SHOC2: variants seen among roughly 807,000 people sequenced by gnomAD.
SHOC2 encodes the protein leucine-rich repeat protein SHOC-2.
SHOC2 carries 4 observed loss-of-function variants against 50.2 expected under a neutral mutation model. The ratio of observed to expected loss-of-function variants is 0.08; its 90% CI spans 0.04 to 0.18. The LOEUF (loss-of-function observed/expected upper bound fraction) is 0.18, where lower values mean the gene tolerates loss of function less well. Ranked by LOEUF, SHOC2 falls within the 10% of genes least tolerant of loss-of-function variation. SHOC2 has a pLI of 1.00. For synonymous variants in SHOC2, 218 were observed against 244.5 expected, an observed-to-expected ratio of 0.89 and a Z score of 1.01; for missense variants, 388 against 669.6, an observed-to-expected ratio of 0.58 and a Z score of 4.64.
intron 1 of SHOC2, among the ~76,000 whole-genome samples, chr10:110,943,905 A>G (rs1276312979): frequency 1.3e-5 from 2 of 152,210 alleles, no homozygotes; most frequent in African/African-American, 4.8e-5. Context: ...TTGGCAACCC[A>G]GAATCTTTCA....
At chr10:110,951,506 A>G (rs1213200186) in intron 1 of SHOC2, 1 of 152,234 alleles carries the variant, frequency 6.6e-6, no homozygotes, top group Non-Finnish European at 1.5e-5. Flanking sequence ...GAGAACTACC[A>G]TATATGATCC....
At chr10:110,985,593 A>C in intron 2 of SHOC2, 35 bp from the exon 3 acceptor site, 1 of 1,512,812 alleles carries the variant, frequency 6.6e-7, no homozygotes, top group Non-Finnish European at 9.2e-7. Flanking sequence ...TTCTTTAATA[A>C]TGCTTATTGA....
chr10:110,935,823 C>T (rs1352225806), intron 1 of SHOC2, among the ~76,000 whole-genome samples: 20 of 152,010 alleles, frequency 1.3e-4, no homozygotes, highest in Admixed American at 1.0e-3. Flanking sequence ...TACTCTCTCA[C>T]GTTTTGTTGG....
intron 8 of SHOC2, among the ~76,000 whole-genome samples, chr10:111,011,023 A>G (rs1465666103): frequency 1.3e-5 from 2 of 152,212 alleles, no homozygotes; most frequent in Non-Finnish European, 1.5e-5. Flanking sequence ...TAATTGCTTG[A>G]GACATTTTCC....
At chr10:110,924,617 A>T (rs1846719499) in intron 1 of SHOC2, among the ~76,000 whole-genome samples, 2 of 152,148 alleles carry the variant, frequency 1.3e-5, no homozygotes, top group Non-Finnish European at 2.9e-5. Context: ...ATCTGTATTA[A>T]TGTTGACCAA....
intron 1 of SHOC2, chr10:110,919,908 C>T (rs920886198): frequency 1.3e-5 from 4 of 302,262 alleles, no homozygotes; most frequent in Non-Finnish European, 2.4e-5. Context: ...GCCTGCAGCC[C>T]GGCGCGGAGA....
intron 1 of SHOC2, among the ~76,000 whole-genome samples, chr10:110,947,363 G>A (rs1345611266): frequency 6.6e-6 from 1 of 152,222 alleles, no homozygotes; most frequent in Non-Finnish European, 1.5e-5. Flanking sequence ...TGCCAGCCAT[G>A]CTGTCCGGAA....
At chr10:110,975,593 CTTTG>C (rs34322766) in intron 2 of SHOC2, among the ~76,000 whole-genome samples, 86,161 of 151,388 alleles carry the variant, frequency 0.57, 28,306 homozygotes, top group Non-Finnish European at 0.74. Flanking sequence ...CTCATTTTTC[CTTTG>C]TTTAATTTTT....
In SHOC2 at chr10:110,987,994, C is replaced by T. The variant is rs116959296; in HGVS notation, c.841+2229C>T. Among the ~76,000 whole-genome samples, 767 of 152,100 alleles carry T rather than the reference C, an allele frequency of 5.0e-3. 2 individuals carry two copies. The highest frequency in any genetic ancestry group is 0.011 in the South Asian group (53 of 4,814). On this transcript the variant is annotated intron_variant, in intron 3 of 8. Coordinates refer to ENST00000369452, the MANE Select transcript of SHOC2 (RefSeq NM_007373.4). The stretch of plus-strand genomic sequence containing the variant: ...AAAAGTCATGGCAGATAGGACTAGA[C>T]GTTCCAGAAGGCCAAATAGTGGTGA...
At position 111,007,171 on chromosome 10, in the gene SHOC2, T is replaced by C. The variant is rs534360493; in HGVS notation, c.1162-360T>C. 5.9e-5 allele frequency among the ~76,000 whole-genome samples: 9 copies of C among 152,354 alleles called. No individual in the cohort carries two copies. The South Asian group carries it at 1.4e-3, about 25-fold the overall frequency. Reference sequence around the variant, plus strand: ...TTCTTCTATTGTTTTCATATCTTTATTTGAGCATTTATATTTTATTCAGTG... The same window carrying C: ...TTCTTCTATTGTTTTCATATCTTTACTTGAGCATTTATATTTTATTCAGTG... On this transcript the variant is annotated intron_variant, in intron 5 of 8. Transcript: ENST00000369452.
intron 1 of SHOC2, among the ~76,000 whole-genome samples, chr10:110,934,308 A>G (rs555488293): frequency 6.6e-6 from 1 of 152,236 alleles, no homozygotes; most frequent in African/African-American, 2.4e-5. Flanking sequence ...AATGTAAAGG[A>G]AAATAGAAAC....
chr10:110,960,990 TTTTG>T (rs1847560687), intron 1 of SHOC2, among the ~76,000 whole-genome samples: 1 of 152,124 alleles, frequency 6.6e-6, no homozygotes, highest in Non-Finnish European at 1.5e-5. Flanking sequence ...TTTGTAGTGT[TTTTG>T]TTTGGGGTCA....
chr10:110,922,466 A>AT (rs1180756640), intron 1 of SHOC2, among the ~76,000 whole-genome samples: 11 of 152,030 alleles, frequency 7.2e-5, no homozygotes, highest in South Asian at 4.2e-4. Flanking sequence ...AGATATTTTG[A>AT]TTTTTTTGTA....
At chr10:111,007,775 C>G (rs918571683) in intron 6 of SHOC2, 122 bp downstream of exon 6, 23 of 979,034 alleles carry the variant, frequency 2.3e-5, no homozygotes, top group Non-Finnish European at 3.7e-5. Flanking sequence ...TGTTAGAACT[C>G]ACTTAAACAT....
intron 1 of SHOC2, among the ~76,000 whole-genome samples, chr10:110,959,026 A>G (rs1847523354): frequency 6.6e-6 from 1 of 152,244 alleles, no homozygotes; most frequent in South Asian, 2.1e-4. Context: ...AAGGAGATAT[A>G]TAAGAAAAAT....
At chr10:111,008,030 T>C (rs1848501869) in intron 6 of SHOC2, among the ~76,000 whole-genome samples, 1 of 151,338 alleles carries the variant, frequency 6.6e-6, no homozygotes, top group South Asian at 2.1e-4. Context: ...TATCATACTT[T>C]TTCATCCTAA....
chr10:110,963,104 T>G (rs1157239472), intron 1 of SHOC2, among the ~76,000 whole-genome samples: 1 of 152,212 alleles, frequency 6.6e-6, no homozygotes, highest in Non-Finnish European at 1.5e-5. Flanking sequence ...AGAAGTTATT[T>G]TATCTTTAAT....
At chr10:111,001,023 T>C (rs2134169240) in intron 4 of SHOC2, among the ~76,000 whole-genome samples, 1 of 151,582 alleles carries the variant, frequency 6.6e-6, no homozygotes, top group African/African-American at 2.4e-5. Context: ...TATGCAATAA[T>C]ATTAAGGCCT....
At chr10:111,010,153 A>G (rs1848540498) in intron 8 of SHOC2, among the ~76,000 whole-genome samples, 1 of 152,128 alleles carries the variant, frequency 6.6e-6, no homozygotes, top group Non-Finnish European at 1.5e-5. Flanking sequence ...ACAGGCTTGA[A>G]TTAGTAATGT....
Sources: gnomAD v4.1 joint callset for allele counts (sites outside exome capture counted in the v4.1 genomes callset) on GRCh38, gnomAD v4.1.1 for gene constraint, MANE v1.5 for transcripts, NCBI Gene and HGNC (gene_info 2026-07-23, HGNC 2026-07-21) for gene names.